The following SRARP variants were observed in gnomAD, a reference collection of about 807,000 sequenced individuals.
SRARP encodes steroid receptor-associated and regulated protein.
SRARP carries 5 observed loss-of-function variants against 3.6 expected under a neutral mutation model. The ratio of observed to expected loss-of-function variants is 1.39; its 90% CI spans 0.73 to 2.93. The LOEUF is 2.93. Ranked by LOEUF, SRARP falls within the 30% of genes most tolerant of loss-of-function variation. The pLI is 0.00. For missense variants in SRARP, 215 were observed against 216.7 expected (o/e 0.99, Z 0.05); for synonymous variants, 96 against 91.6 (o/e 1.05, Z -0.27).
At position 16,006,475 on chromosome 1, in the gene SRARP, A is replaced by C. The variant is rs2073130190; in HGVS notation, c.*129A>C. On this transcript the variant is annotated 3_prime_UTR_variant, in exon 2 of 2. Transcript: ENST00000329454. ...ATTAGATCCGCTAAGGGGCATCTGA[A>C]ACATCCGTCGAGTGGCAGAGGCAGG... The C allele has an allele frequency of 6.6e-6, 7 of 1,068,628 alleles. No homozygotes were observed. Among genetic ancestry groups the C allele is most frequent in the Non-Finnish European group, 9.2e-6 (7 of 756,822 alleles). 66.2% of individuals were successfully genotyped at this position (1,068,628 alleles called of 1,614,324 possible).
chr1:16,007,567 G>C lies in SRARP; in HGVS notation c.*1221G>C, dbSNP rs1170944226. 1.3e-5 allele frequency: 2 copies of C among 152,226 alleles called. No homozygotes were observed. Among genetic ancestry groups the C allele is most frequent in the African/African-American group, 4.8e-5 (2 of 41,380 alleles). 9.4% of individuals were successfully genotyped at this position (152,226 alleles called of 1,614,324 possible). On this transcript the variant is annotated 3_prime_UTR_variant, in exon 2 of 2. Coordinates refer to ENST00000329454, the MANE Select transcript of SRARP (RefSeq NM_178840.4). ...AGTGATCCTCCTGCCTCAGCCTCCC[G>C]AGTAGCTGAGACTATAGGTGCACCA... is the stretch of plus-strand genomic sequence containing the variant.
At position 16,006,073 on chromosome 1, in the gene SRARP, G is replaced by A. The variant is rs200711487; in HGVS notation, c.237G>A (p.Lys79=). 2.5e-6 allele frequency: 4 copies of A among 1,613,976 alleles called. No homozygotes were observed. Among genetic ancestry groups the A allele is most frequent in the African/African-American group, 1.3e-5 (1 of 75,046 alleles). Residue 79 remains lysine (K), a synonymous_variant, in exon 2 of 2, where the codon AAG becomes AAA. Transcript: ENST00000329454. ...PNRGLVTPPM[K]TYIVFCGENW... ...GAGGGCTTGTCACCCCACCAATGAA[G>A]ACCTACATCGTGTTCTGTGGGGAAA...
At chr1:16,005,780 G>C (rs2073123570) in intron 1 of SRARP, 139 bp from the exon 2 acceptor site, 2 of 816,124 alleles carry the variant, frequency 2.5e-6, no homozygotes, top group Non-Finnish European at 3.8e-6. Flanking sequence ...GGCTGAGATG[G>C]GAGGATTGGT....
In SRARP at chr1:16,007,667, C is replaced by T. The variant is rs1416898400; in HGVS notation, c.*1321C>T. 1.3e-5 allele frequency: 2 copies of T among 152,242 alleles called. No individual in the cohort carries two copies. The highest frequency in any genetic ancestry group is 1.3e-4 in the Admixed American group (2 of 15,270). The allele number at this position is 152,242 out of a possible 1,614,324, so 9.4% of individuals were successfully genotyped here. A position where few individuals can be genotyped will look rare whatever the true frequency, so the allele number is the denominator to read the frequency against. The stretch of plus-strand genomic sequence containing the variant: ...CCCAGGCTGGTCTTGAACTCCTGGC[C>T]TCAAGCTATCCTCCCGCTTCAGCTT... On this transcript the variant is annotated 3_prime_UTR_variant, in exon 2 of 2. Transcript: ENST00000329454.
At chr1:16,004,629 G>A (rs956143123) in intron 1 of SRARP, among the ~76,000 whole-genome samples, 3 of 147,954 alleles carry the variant, frequency 2.0e-5, no homozygotes, top group Non-Finnish European at 3.0e-5. Flanking sequence ...CAGGAGAATC[G>A]CTTGAACCCA....
rs2073139162 is a variant in SRARP, at chr1:16,007,927, T to A, written c.*1581T>A. The A allele has an allele frequency of 6.6e-6, 1 of 152,192 alleles. No homozygotes were observed. Among genetic ancestry groups the A allele is most frequent in the Admixed American group, 6.5e-5 (1 of 15,270 alleles). 9.4% of individuals were successfully genotyped at this position (152,192 alleles called of 1,614,324 possible). On this transcript the variant is annotated 3_prime_UTR_variant, in exon 2 of 2. Coordinates refer to ENST00000329454, the MANE Select transcript of SRARP (RefSeq NM_178840.4). ...TCAAAGTTCCATAGACTGGTACCAT[T>A]GAGATTAGAACTCAGGCAAGTCTGG... is the stretch of plus-strand genomic sequence containing the variant.
Position 16,004,928 on chromosome 1 carries a change from T to G in SRARP, c.82+543T>G, listed in dbSNP as rs192017550. On this transcript the variant is annotated intron_variant, in intron 1 of 1. Coordinates refer to ENST00000329454, the MANE Select transcript of SRARP (RefSeq NM_178840.4). Reference sequence around the variant, plus strand: ...CTAAGAGAATGGATGTGTATGTTATTTGGGTAACTCAAAAAGTTACCTTTT... The same window carrying G: ...CTAAGAGAATGGATGTGTATGTTATGTGGGTAACTCAAAAAGTTACCTTTT... Among the ~76,000 whole-genome samples the G allele has an allele frequency of 1.2e-4, 18 of 152,286 alleles. No homozygotes were observed. The East Asian group carries it at 2.9e-3, about 24-fold the overall frequency.
At chr1:16,005,562 TA>T (rs546128010) in intron 1 of SRARP, among the ~76,000 whole-genome samples, 3 of 152,198 alleles carry the variant, frequency 2.0e-5, no homozygotes, top group Non-Finnish European at 4.4e-5. Context: ...ATCGAATGAA[TA>T]AACAAATGAA....
chr1:16,005,267 T>C (rs911627789), intron 1 of SRARP, among the ~76,000 whole-genome samples: 1 of 152,130 alleles, frequency 6.6e-6, no homozygotes, highest in Non-Finnish European at 1.5e-5. Flanking sequence ...ATATGGTCCA[T>C]GGACCAGCAG....
chr1:16,006,296 A>G lies in SRARP; in HGVS notation c.460A>G (p.Lys154Glu), dbSNP rs1287316604. 6.2e-7 allele frequency: 1 copy of G among 1,612,380 alleles called. No homozygotes were observed. The highest frequency in any genetic ancestry group is 8.5e-7 in the Non-Finnish European group (1 of 1,179,694). ...PVRSSTWGTV[K>E]DSLKALSSCV... ...GAGGTCTTCAACTTGGGGAACAGTCAAGGACTCACTGAAAGCCCTCTCCTC... is the reference window on the plus strand; with the variant it reads ...GAGGTCTTCAACTTGGGGAACAGTCGAGGACTCACTGAAAGCCCTCTCCTC... The change falls in exon 2 of 2, where the codon AAG (lysine) becomes GAG (glutamate). Residue 154 changes from lysine to glutamate, a missense_variant. Physicochemically the swap from Lys to Glu is moderately conservative, Grantham distance 56 (BLOSUM62 1). Transcript: ENST00000329454.
rs1313558226 is a variant in SRARP at position 16,004,309 on chromosome 1, C to T, written c.6C>T (p.Ala2=). 12 of 1,602,300 alleles carry T rather than the reference C, an allele frequency of 7.5e-6. No homozygotes were observed. Among genetic ancestry groups the T allele is most frequent in the Non-Finnish European group, 1.0e-5 (12 of 1,175,114 alleles). Residue 2 remains alanine (A), a synonymous_variant, in exon 1 of 2, where the codon GCC becomes GCT. Transcript: ENST00000329454. ...GCAGGCGCCGAAGTAGCCGCATGGC[C>T]CCGTCAGAAGACCCCAGGGACTGGA... M[A]PSEDPRDWRA...
chr1:16,004,341 A>AC lies in SRARP; in HGVS notation c.40dup (p.Leu14ProfsTer7), dbSNP rs759174692. 1 of 1,609,288 alleles carries AC rather than the reference A, an allele frequency of 6.2e-7. No individual in the cohort carries two copies. The highest frequency in any genetic ancestry group is 1.1e-5 in the South Asian group (1 of 90,008). ...GAAGACCCCAGGGACTGGAGAGCCA[A>AC]CCTCAAAGGCACCATCCGTGAGACA... On this transcript the variant is annotated frameshift_variant, in exon 1 of 2. Transcript: ENST00000329454. LOFTEE classifies it low-confidence loss of function (END_TRUNC).
chr1:16,008,005 C>G lies in SRARP; in HGVS notation c.*1659C>G, dbSNP rs1461640171. On this transcript the variant is annotated 3_prime_UTR_variant, in exon 2 of 2. Transcript: ENST00000329454. ...GGTATATACCCTCTCATCCTGGTAG[C>G]GTCTCTTCTAGGCAGAGGGGACACA... 4.6e-5 allele frequency: 7 copies of G among 152,206 alleles called. No homozygotes were observed. The highest frequency in any genetic ancestry group is 8.8e-5 in the Non-Finnish European group (6 of 68,048). The allele number at this position is 152,206 out of a possible 1,614,324, so 9.4% of individuals were successfully genotyped here.
intron 1 of SRARP, among the ~76,000 whole-genome samples, chr1:16,005,062 G>T (rs1000173300): frequency 1.8e-4 from 27 of 152,204 alleles, no homozygotes; most frequent in Non-Finnish European, 3.7e-4. Context: ...CTCTGAGCGG[G>T]GGGATTGCCA....
chr1:16,005,880 C>T (rs760106229), intron 1 of SRARP, 39 bp from the exon 2 acceptor site: 1 of 1,497,892 alleles, frequency 6.7e-7, no homozygotes, highest in African/African-American at 1.4e-5. Context: ...AGAAAAGTCC[C>T]CTGCTTGTGC....
rs146506830 is a variant in SRARP at position 16,004,292 on chromosome 1, C to T, written c.-12C>T. 9.4e-3 allele frequency: 14,873 copies of T among 1,588,542 alleles called. 103 individuals are homozygous for T. The highest frequency in any genetic ancestry group is 0.014 in the Middle Eastern group (87 of 6,040). ...TCTCCTGCCAGAGCTAGGCAGGCGC[C>T]GAAGTAGCCGCATGGCCCCGTCAGA... is the stretch of plus-strand genomic sequence containing the variant. On this transcript the variant is annotated 5_prime_UTR_variant, in exon 1 of 2. Coordinates refer to ENST00000329454, the MANE Select transcript of SRARP (RefSeq NM_178840.4).
rs2073127635 is a variant in SRARP at position 16,006,218 on chromosome 1, T to G, written c.382T>G (p.Cys128Gly). The G allele has an allele frequency of 6.2e-7, 1 of 1,613,932 alleles. No individual in the cohort carries two copies. Among genetic ancestry groups the G allele is most frequent in the Non-Finnish European group, 8.5e-7 (1 of 1,180,042 alleles). The change falls in exon 2 of 2, where the codon TGC becomes GGC. Residue 128 changes from cysteine to glycine, a missense_variant. Physicochemically the swap from Cys to Gly is radical, Grantham distance 159. Coordinates refer to ENST00000329454, the MANE Select transcript of SRARP (RefSeq NM_178840.4). ...ASASFPVSPL[C>G]PQEVPEAKGK... The stretch of plus-strand genomic sequence containing the variant: ...AGCTTCCTTCCCAGTCAGCCCGCTC[T>G]GCCCCCAGGAGGTTCCCGAGGCTAA...
intron 1 of SRARP, 55 bp from the exon 2 acceptor site, chr1:16,005,864 G>T: frequency 6.8e-7 from 1 of 1,463,230 alleles, no homozygotes; most frequent in South Asian, 1.3e-5. Flanking sequence ...CCTGTCTCAG[G>T]GGAAAAGAAA....
rs746655311 is a variant in SRARP at position 16,006,026 on chromosome 1, C to T, written c.190C>T (p.Pro64Ser). 2.5e-5 allele frequency: 41 copies of T among 1,613,856 alleles called. No individual in the cohort carries two copies. Among genetic ancestry groups the T allele is most frequent in the Non-Finnish European group, 3.1e-5 (37 of 1,179,988 alleles). The change falls in exon 2 of 2, where the codon CCC becomes TCC. Residue 64 changes from proline to serine, a missense_variant. Transcript: ENST00000329454. ...QLSLAATASPPQAPSPNRGLV... is the reference protein window; with the variant it reads ...QLSLAATASPSQAPSPNRGLV... ...CTCCCTGGCAGCAACCGCATCACCACCCCAAGCCCCCAGTCCCAATCGAGG... is the reference window on the plus strand; with the variant it reads ...CTCCCTGGCAGCAACCGCATCACCATCCCAAGCCCCCAGTCCCAATCGAGG...
Sources: gnomAD v4.1 joint callset for allele counts (sites outside exome capture counted in the v4.1 genomes callset) on GRCh38, gnomAD v4.1.1 for gene constraint, MANE v1.5 for transcripts, NCBI Gene and HGNC (gene_info 2026-07-23, HGNC 2026-07-21) for gene names.